Variants in ARAP2 observed in about 807,000 individuals in gnomAD.
ARAP2 encodes ArfGAP with RhoGAP domain, ankyrin repeat and PH domain 2, also known as arf-GAP with Rho-GAP domain, ANK repeat and PH domain-containing protein 2.
ARAP2 carries 148 observed loss-of-function variants against 194.5 expected under a neutral mutation model. That is an observed-to-expected ratio of 0.76 (90% CI 0.67 to 0.87). ARAP2 has a LOEUF of 0.87. ARAP2 is among the 40% of genes least tolerant of loss of function. The probability of loss-of-function intolerance (pLI) is 0.00; values close to 1 mark genes in which losing one functional copy is unlikely to be tolerated. For missense variants in ARAP2, 2,128 were observed against 1,989.7 expected, an observed-to-expected ratio of 1.07 and a Z score of -1.32; for synonymous variants, 695 against 683.5, an observed-to-expected ratio of 1.02 and a Z score of -0.26.
chr4:36,140,142 A>G (rs1727929799), intron 19 of ARAP2, among the ~76,000 whole-genome samples: 1 of 137,214 alleles, frequency 7.3e-6, no homozygotes, highest in African/African-American at 2.9e-5. Flanking sequence ...AAAACAATAC[A>G]CACACACACA....
At chr4:36,013,589 T>G (rs1389446440) in intron 8 of ARAP2, among the ~76,000 whole-genome samples, 1 of 152,160 alleles carries the variant, frequency 6.6e-6, no homozygotes, top group African/African-American at 2.4e-5. Flanking sequence ...TAGATCAAGA[T>G]AGGTTAGTAT....
intron 19 of ARAP2, among the ~76,000 whole-genome samples, chr4:36,144,760 T>C (rs4833124): frequency 0.32 from 48,328 of 151,660 alleles, 8,878 homozygotes; most frequent in East Asian, 0.47. Context: ...CAGTTAAACA[T>C]TGAACAAGAT....
intron 26 of ARAP2, among the ~76,000 whole-genome samples, chr4:36,110,148 C>G (rs1407901155): frequency 1.3e-5 from 2 of 151,778 alleles, no homozygotes. Flanking sequence ...AACTTTAAAG[C>G]CCAAAATCTT....
In ARAP2 at chr4:36,229,307, TA is replaced by T; in HGVS notation, c.179del (p.Ile60AsnfsTer7). 8 of 1,614,092 alleles carry T rather than the reference TA, an allele frequency of 5.0e-6. No individual in the cohort carries two copies. The highest frequency in any genetic ancestry group is 6.8e-6 in the Non-Finnish European group (8 of 1,179,968). ...ACAAGATTATCTGTAACTGTTTAAG[TA>T]TCCTCCTACGGTGACCTGTAGGTGA... The part of the protein sequence containing the change: ...GISPTGHRRR[I>X]LKQLQIILSK... On this transcript the variant is annotated frameshift_variant, in exon 2 of 33. Coordinates refer to ENST00000303965, the MANE Select transcript of ARAP2 (RefSeq NM_015230.4). LOFTEE classifies it high-confidence loss of function.
At chr4:36,206,902 T>A (rs1012024865) in intron 6 of ARAP2, among the ~76,000 whole-genome samples, 2 of 152,142 alleles carry the variant, frequency 1.3e-5, no homozygotes, top group Non-Finnish European at 2.9e-5. Context: ...AGTAAGAAAG[T>A]CCTAAAACAT....
At chr4:36,156,437 A>G (rs1264665921) in intron 15 of ARAP2, among the ~76,000 whole-genome samples, 7 of 14,816 alleles carry the variant, frequency 4.7e-4, no homozygotes, top group Non-Finnish European at 8.0e-4. Context: ...GAAAGAAAGA[A>G]AGAAAGAGAA....
At chr4:36,107,340 C>T (rs900966777) in intron 27 of ARAP2, among the ~76,000 whole-genome samples, 5 of 151,928 alleles carry the variant, frequency 3.3e-5, no homozygotes, top group African/African-American at 1.2e-4. Context: ...TTCCAAAAAC[C>T]TGAACTTGGT....
intron 19 of ARAP2, among the ~76,000 whole-genome samples, chr4:36,134,443 C>T (rs1439094153): frequency 6.6e-6 from 1 of 151,534 alleles, no homozygotes; most frequent in Non-Finnish European, 1.5e-5. Context: ...ACTCTGTCTC[C>T]TCTCCTTTCC....
chr4:36,054,488 AAGTGAGATGAGAAATTAGTAACGATATG>A (rs1723176151), intron 2 of ARAP2, among the ~76,000 whole-genome samples: 1 of 152,152 alleles, frequency 6.6e-6, no homozygotes, highest in African/African-American at 2.4e-5. Context: ...TCTATTGGGG[AAGTGAGATGAGAAATTAGTAACGATATG>A]CACCTTCCAA....
At chr4:36,223,590 T>C (rs1215856586) in intron 2 of ARAP2, among the ~76,000 whole-genome samples, 2 of 152,186 alleles carry the variant, frequency 1.3e-5, no homozygotes, top group Non-Finnish European at 2.9e-5. Flanking sequence ...ATTCATATGT[T>C]CAAACTCTAA....
At chr4:36,023,160 T>G (rs1376122187) in intron 5 of ARAP2, among the ~76,000 whole-genome samples, 1 of 152,184 alleles carries the variant, frequency 6.6e-6, no homozygotes, top group Non-Finnish European at 1.5e-5. Context: ...AAACTTTAAA[T>G]GTCCTAACTA....
chr4:36,098,449 T>A (rs1286744609), intron 27 of ARAP2, among the ~76,000 whole-genome samples: 1 of 151,996 alleles, frequency 6.6e-6, no homozygotes, highest in Non-Finnish European at 1.5e-5. Context: ...GAAAACACAG[T>A]CTCCATGATT....
intron 8 of ARAP2, among the ~76,000 whole-genome samples, chr4:36,186,731 C>A (rs1414626823): frequency 6.6e-6 from 1 of 152,236 alleles, no homozygotes; most frequent in Non-Finnish European, 1.5e-5. Flanking sequence ...GCAGCACAAA[C>A]TCTACTGTAA....
chr4:36,155,071 A>G (rs1448372944), intron 15 of ARAP2, among the ~76,000 whole-genome samples: 3 of 152,240 alleles, frequency 2.0e-5, no homozygotes, highest in Non-Finnish European at 2.9e-5. Flanking sequence ...ACAGATCAAA[A>G]CAAAAATATT....
chr4:36,127,930 T>C (rs974826503), intron 21 of ARAP2, among the ~76,000 whole-genome samples: 2 of 151,962 alleles, frequency 1.3e-5, no homozygotes, highest in African/African-American at 4.8e-5. Context: ...TTGTTTTAAA[T>C]CATCGGAGGT....
intron 19 of ARAP2, among the ~76,000 whole-genome samples, chr4:36,137,921 T>C (rs1023155655): frequency 2.0e-5 from 3 of 151,784 alleles, no homozygotes; most frequent in Non-Finnish European, 4.4e-5. Flanking sequence ...GAACAATTTA[T>C]TACAGTCACA....
chr4:36,079,864 G>T (rs1390244909), intron 31 of ARAP2, among the ~76,000 whole-genome samples: 3 of 152,086 alleles, frequency 2.0e-5, no homozygotes, highest in African/African-American at 7.2e-5. Flanking sequence ...AAGGGAAATA[G>T]AACACTTTTC....
intron 2 of ARAP2, among the ~76,000 whole-genome samples, chr4:36,052,824 C>T (rs1452141557): frequency 6.6e-6 from 1 of 152,000 alleles, no homozygotes; most frequent in African/African-American, 2.4e-5. Context: ...CAAAATGAGC[C>T]GGGCGTGGTG....
chr4:36,065,670 A>T (rs1725284204), downstream of ARAP2: 1 of 169,504 alleles, frequency 5.9e-6, no homozygotes, highest in Admixed American at 6.1e-5. Context: ...GAGGTGCCAG[A>T]CACTTGTGCC....
Sources: allele counts gnomAD v4.1 joint callset (sites outside exome capture counted in the v4.1 genomes callset), GRCh38; gene constraint gnomAD v4.1.1; transcripts MANE v1.5; gene names NCBI Gene and HGNC (gene_info 2026-07-23, HGNC 2026-07-21).